The following JAZF1 variants were observed in gnomAD, a reference collection of about 807,000 sequenced individuals.
JAZF1 encodes JAZF zinc finger 1, also known as juxtaposed with another zinc finger protein 1.
JAZF1 carries 8 observed loss-of-function variants against 26.4 expected under a neutral mutation model. The ratio of observed to expected loss-of-function variants is 0.30; its 90% CI spans 0.18 to 0.55. The LOEUF (loss-of-function observed/expected upper bound fraction) is 0.55. Ranked by LOEUF, JAZF1 falls within the 20% of genes least tolerant of loss-of-function variation. The probability of loss-of-function intolerance (pLI) is 0.94; values close to 1 mark genes in which losing one functional copy is unlikely to be tolerated. For missense variants in JAZF1, 199 were observed against 322.0 expected, an observed-to-expected ratio of 0.62 and a Z score of 2.92; for synonymous variants, 126 against 122.3, an observed-to-expected ratio of 1.03 and a Z score of -0.20.
rs191970808 is a variant in JAZF1 at position 27,988,861 on chromosome 7, A to C, written c.188+3048T>G. On this transcript the variant is annotated intron_variant, in intron 2 of 4. Transcript: ENST00000283928. Reference sequence around the variant, plus strand: ...ACAGAAAAATGTCAGTAGTTGTATGATGGGATTGTAATATAATTCTTTTAT... The same window carrying C: ...ACAGAAAAATGTCAGTAGTTGTATGCTGGGATTGTAATATAATTCTTTTAT... Among the ~76,000 whole-genome samples, 381 of 145,022 alleles carry C rather than the reference A, an allele frequency of 2.6e-3. 1 individual carries two copies. The highest frequency in any genetic ancestry group is 4.6e-3 in the Non-Finnish European group (305 of 66,334).
intron 3 of JAZF1, among the ~76,000 whole-genome samples, chr7:27,873,071 A>G (rs552248980): frequency 6.6e-6 from 1 of 152,208 alleles, no homozygotes; most frequent in Non-Finnish European, 1.5e-5. Flanking sequence ...GTAGGTTTCT[A>G]TCAACTGGGA....
intron 2 of JAZF1, among the ~76,000 whole-genome samples, chr7:27,987,788 AC>A (rs1785762256): frequency 2.6e-5 from 4 of 152,262 alleles, no homozygotes; most frequent in Admixed American, 2.0e-4. Context: ...TCAGATTGTT[AC>A]TGTGTCTGTG....
chr7:28,118,890 A>G (rs1784793418), intron 1 of JAZF1, among the ~76,000 whole-genome samples: 1 of 152,160 alleles, frequency 6.6e-6, no homozygotes, highest in South Asian at 2.1e-4. Context: ...ACAAATTATA[A>G]AACTTTCACA....
chr7:28,169,315 A>C (rs931151709), intron 1 of JAZF1, among the ~76,000 whole-genome samples: 1 of 152,250 alleles, frequency 6.6e-6, no homozygotes, highest in Non-Finnish European at 1.5e-5. Flanking sequence ...GGGAGTTTCC[A>C]ATCTGGGCAG....
At chr7:28,170,711 G>A (rs1435348407) in intron 1 of JAZF1, among the ~76,000 whole-genome samples, 9 of 152,066 alleles carry the variant, frequency 5.9e-5, no homozygotes, top group Non-Finnish European at 1.2e-4. Flanking sequence ...CACTGCTCTT[G>A]GTGGAAATCC....
chr7:28,081,934 A>G (rs951836714), intron 1 of JAZF1, among the ~76,000 whole-genome samples: 1 of 152,230 alleles, frequency 6.6e-6, no homozygotes, highest in Non-Finnish European at 1.5e-5. Context: ...ATGATACTAG[A>G]GTTTAATAAC....
intron 1 of JAZF1, among the ~76,000 whole-genome samples, chr7:28,074,040 G>A (rs1421050053): frequency 1.3e-5 from 2 of 150,594 alleles, no homozygotes; most frequent in African/African-American, 4.9e-5. Flanking sequence ...GCTTTCTTAT[G>A]CTTTATTATA....
chr7:27,881,180 C>T lies in JAZF1; in HGVS notation c.385+14040G>A, dbSNP rs149909785. Among the ~76,000 whole-genome samples, 14 of 152,236 alleles carry T rather than the reference C, an allele frequency of 9.2e-5. No individual in the cohort carries two copies. The East Asian group carries it at 1.7e-3, about 19-fold the overall frequency. On this transcript the variant is annotated intron_variant, in intron 3 of 4. Coordinates refer to ENST00000283928, the MANE Select transcript of JAZF1 (RefSeq NM_175061.4). ...TTCCAAAAGGGGCCTATTCATCTCC[C>T]GGGGAGGGGGCATGGGGAACCCTTC...
intron 1 of JAZF1, among the ~76,000 whole-genome samples, chr7:28,128,022 G>A (rs1300339506): frequency 2.6e-5 from 4 of 152,012 alleles, no homozygotes; most frequent in Non-Finnish European, 5.9e-5. Context: ...AAACCATTTC[G>A]GTGGCCTACC....
At chr7:28,045,738 C>T (rs1389793034) in intron 1 of JAZF1, among the ~76,000 whole-genome samples, 1 of 151,992 alleles carries the variant, frequency 6.6e-6, no homozygotes, top group Non-Finnish European at 1.5e-5. Context: ...TACCATGTCC[C>T]GCTAATTTTA....
intron 3 of JAZF1, among the ~76,000 whole-genome samples, chr7:27,879,950 C>T (rs2128339350): frequency 6.6e-6 from 1 of 152,160 alleles, no homozygotes; most frequent in East Asian, 1.9e-4. Context: ...TCAGTCCTGC[C>T]ATCTTTCCAA....
At chr7:27,838,037 C>T (rs1400753299) in intron 4 of JAZF1, among the ~76,000 whole-genome samples, 1 of 149,692 alleles carries the variant, frequency 6.7e-6, no homozygotes, top group Non-Finnish European at 1.5e-5. Flanking sequence ...TTTCCTTCCA[C>T]AAGTTGCTGC....
At chr7:27,877,651 T>G (rs1315102211) in intron 3 of JAZF1, among the ~76,000 whole-genome samples, 1 of 152,058 alleles carries the variant, frequency 6.6e-6, no homozygotes, top group African/African-American at 2.4e-5. Context: ...TGCTCCCGAG[T>G]CTCATATCCA....
At chr7:27,883,241 C>T (rs775891309) in intron 3 of JAZF1, among the ~76,000 whole-genome samples, 6 of 152,098 alleles carry the variant, frequency 3.9e-5, no homozygotes, top group African/African-American at 1.4e-4. Context: ...AATGCAGAGA[C>T]CCCTGCTGGG....
chr7:27,941,391 AGCCT>A (rs1348083312), intron 2 of JAZF1, among the ~76,000 whole-genome samples: 4 of 152,188 alleles, frequency 2.6e-5, no homozygotes, highest in Non-Finnish European at 4.4e-5. Flanking sequence ...ATTTTCTTTC[AGCCT>A]GCAGTTAATC....
chr7:27,856,266 C>T (rs372732451), intron 3 of JAZF1, among the ~76,000 whole-genome samples: 83 of 152,156 alleles, frequency 5.5e-4, no homozygotes, highest in African/African-American at 1.8e-3. Context: ...GCTCTTAAGG[C>T]GGCACATCTG....
rs1421672744 is a variant in JAZF1, at chr7:27,895,157, T to G, written c.385+63A>C. 14 of 1,164,002 alleles carry G rather than the reference T, an allele frequency of 1.2e-5. No homozygotes were observed. The Middle Eastern group carries it at 8.7e-4, about 72-fold the overall frequency. 72.1% of individuals were successfully genotyped at this position (1,164,002 alleles called of 1,614,324 possible). ...CCAGCCCCTTTCTGCCCCCAGCACA[T>G]CACACACACTTTCTCTTTCTCCCCT... On this transcript the variant is annotated intron_variant, in intron 3 of 4. Transcript: ENST00000283928.
chr7:27,925,575 C>T (rs1784592281), intron 2 of JAZF1, among the ~76,000 whole-genome samples: 1 of 152,252 alleles, frequency 6.6e-6, no homozygotes, highest in Non-Finnish European at 1.5e-5. Flanking sequence ...GCATGGGTCA[C>T]CGTGCCTCAC....
intron 2 of JAZF1, among the ~76,000 whole-genome samples, chr7:27,937,368 C>T (rs1784776643): frequency 6.6e-6 from 1 of 152,118 alleles, no homozygotes; most frequent in Non-Finnish European, 1.5e-5. Flanking sequence ...AAAATGGTGA[C>T]CAGTATGAAT....
Sources: gnomAD v4.1 joint callset for allele counts (sites outside exome capture counted in the v4.1 genomes callset) on GRCh38, gnomAD v4.1.1 for gene constraint, MANE v1.5 for transcripts, NCBI Gene and HGNC (gene_info 2026-07-23, HGNC 2026-07-21) for gene names.